The following TRIM33 variants were observed in gnomAD, a reference collection of about 807,000 sequenced individuals.
TRIM33 encodes tripartite motif containing 33, also known as E3 ubiquitin-protein ligase TRIM33.
A neutral mutation model predicts 125.4 loss-of-function variants in TRIM33; 20 were observed. The observed-to-expected ratio is 0.16, with a 90% CI of 0.11 to 0.23. TRIM33 has a LOEUF of 0.23. Among genes scored for constraint, TRIM33 ranks in the 10% least tolerant of loss-of-function variants. The pLI, the probability that TRIM33 is intolerant of heterozygous loss-of-function variation, is 1.00. For missense variants in TRIM33, 920 were observed against 1,411.4 expected (o/e 0.65, Z 5.58); for synonymous variants, 564 against 513.9 (o/e 1.10, Z -1.32).
At chr1:114,468,820 T>C (rs758290823) in intron 1 of TRIM33, 12 of 306,184 alleles carry the variant, frequency 3.9e-5, no homozygotes, top group Non-Finnish European at 7.6e-5. Flanking sequence ...GCTAGGGCAG[T>C]CTCAAATACA....
rs1651450082 is a variant in TRIM33, at chr1:114,394,683, TG to T, written c.*2964del. 1 of 201,728 alleles carries T rather than the reference TG, an allele frequency of 5.0e-6. No individual in the cohort carries two copies. Among genetic ancestry groups the T allele is most frequent in the African/African-American group, 2.3e-5 (1 of 43,580 alleles). 12.5% of individuals were successfully genotyped at this position (201,728 alleles called of 1,614,324 possible). On this transcript the variant is annotated 3_prime_UTR_variant, in exon 20 of 20. Transcript: ENST00000358465. ...TGGATCCAATGCCTTATCATTTCTCTGTAGTAATGGTTTGATGTTTCCATAT... is the reference window on the plus strand; with the variant it reads ...TGGATCCAATGCCTTATCATTTCTCTTAGTAATGGTTTGATGTTTCCATAT...
At chr1:114,437,532 C>T (rs1572054631) in intron 4 of TRIM33, among the ~76,000 whole-genome samples, 1 of 151,912 alleles carries the variant, frequency 6.6e-6, no homozygotes, top group South Asian at 2.1e-4. Flanking sequence ...AGAGATGGGG[C>T]GTCACCATGT....
chr1:114,487,302 A>T (rs1651758640), intron 1 of TRIM33, among the ~76,000 whole-genome samples: 1 of 150,982 alleles, frequency 6.6e-6, no homozygotes, highest in African/African-American at 2.4e-5. Flanking sequence ...ACATCTATTC[A>T]AATGACAGTG....
chr1:114,463,099 T>C lies in TRIM33; in HGVS notation c.923+5A>G. 1 of 1,586,178 alleles carries C rather than the reference T, an allele frequency of 6.3e-7. No homozygotes were observed. On this transcript the variant is annotated splice_donor_5th_base_variant and intron_variant, in intron 4 of 19. Coordinates refer to ENST00000358465, the MANE Select transcript of TRIM33 (RefSeq NM_015906.4). Reference sequence around the variant, plus strand: ...TTTCCTGGTAAGCAATTATGATTTCTGTACCTATGTTCTTTGTGTTCCAAT... The same window carrying C: ...TTTCCTGGTAAGCAATTATGATTTCCGTACCTATGTTCTTTGTGTTCCAAT...
chr1:114,417,447 G>A lies in TRIM33; in HGVS notation c.2061+3989C>T, dbSNP rs575984152. On this transcript the variant is annotated intron_variant, in intron 11 of 19. Coordinates refer to ENST00000358465, the MANE Select transcript of TRIM33 (RefSeq NM_015906.4). ...TGTTTATCTTATCCTCAATGCTTGA[G>A]GACTTTAGCATACAGTAAGTGCTTA... Among the ~76,000 whole-genome samples, 13 of 152,176 alleles carry A rather than the reference G, an allele frequency of 8.5e-5. No individual in the cohort carries two copies. The South Asian group carries it at 2.7e-3, about 32-fold the overall frequency.
intron 4 of TRIM33, among the ~76,000 whole-genome samples, chr1:114,438,001 G>A (rs1648411892): frequency 6.6e-6 from 1 of 152,194 alleles, no homozygotes; most frequent in African/African-American, 2.4e-5. Flanking sequence ...GGAGGCTGAA[G>A]AGGCTGATGT....
chr1:114,433,830 T>C (rs1258533549), intron 4 of TRIM33, 97 bp from the exon 5 acceptor site: 1 of 748,008 alleles, frequency 1.3e-6, no homozygotes, highest in Admixed American at 2.4e-5. Context: ...GAAACCTTAA[T>C]TAAGTGATCA....
At chr1:114,465,776 T>C (rs555894050) in intron 1 of TRIM33, among the ~76,000 whole-genome samples, 2 of 152,266 alleles carry the variant, frequency 1.3e-5, no homozygotes, top group South Asian at 4.1e-4. Flanking sequence ...GCGCGGTGGC[T>C]CACGCCTGTA....
chr1:114,432,383 C>T (rs553696195), intron 5 of TRIM33, among the ~76,000 whole-genome samples: 26 of 152,298 alleles, frequency 1.7e-4, no homozygotes, highest in African/African-American at 5.8e-4. Flanking sequence ...ACCAGTTTAA[C>T]CTAAAACAAC....
rs1053701825 is a variant in TRIM33, at chr1:114,396,072, T to C, written c.*1576A>G. ...GCAAATAAATGATTTGCCACAAATC[T>C]GCTGACTTCTGAAAAATATCTAACA... On this transcript the variant is annotated 3_prime_UTR_variant, in exon 20 of 20. Coordinates refer to ENST00000358465, the MANE Select transcript of TRIM33 (RefSeq NM_015906.4). 2 of 200,450 alleles carry C rather than the reference T, an allele frequency of 1.0e-5. No homozygotes were observed. Among genetic ancestry groups the C allele is most frequent in the African/African-American group, 4.6e-5 (2 of 43,488 alleles). The allele number at this position is 200,450 out of a possible 1,614,324, so 12.4% of individuals were successfully genotyped here.
At chr1:114,450,413 C>T (rs1205939287) in intron 4 of TRIM33, among the ~76,000 whole-genome samples, 4 of 152,144 alleles carry the variant, frequency 2.6e-5, no homozygotes, top group African/African-American at 7.2e-5. Context: ...CTTACTGCAA[C>T]GTCTACCTCC....
At chr1:114,413,572 AAG>A (rs1470741693) in intron 11 of TRIM33, among the ~76,000 whole-genome samples, 1,927 of 120,360 alleles carry the variant, frequency 0.016, 52 homozygotes, top group Non-Finnish European at 0.025. Flanking sequence ...AAAAAAAAAA[AAG>A]AAAAGAAAAG....
chr1:114,411,171 G>C (rs887106725), intron 11 of TRIM33, among the ~76,000 whole-genome samples: 7 of 151,920 alleles, frequency 4.6e-5, no homozygotes, highest in Non-Finnish European at 7.4e-5. Flanking sequence ...CTCCTGAATA[G>C]CTAGGACTAC....
Position 114,425,570 on chromosome 1 carries a change from G to A in TRIM33, c.1574C>T (p.Ala525Val). The change falls in exon 9 of 20, where the codon GCA (alanine) becomes GTA (valine). Residue 525 changes from alanine to valine, a missense_variant. Around this residue, in one of 8 missense-constraint regions of TRIM33, gnomAD observed 407 missense variants for 589.7 expected, o/e 0.69. Coordinates refer to ENST00000358465, the MANE Select transcript of TRIM33 (RefSeq NM_015906.4). ...RLQHMQQQVY[A>V]QKHQQLQQMR... Reference sequence around the variant, plus strand: ...CTGTTGCAACTGCTGATGTTTCTGTGCATATACTTGTTGTTGCATGTGCTG... The same window carrying A: ...CTGTTGCAACTGCTGATGTTTCTGTACATATACTTGTTGTTGCATGTGCTG... 1 of 1,614,092 alleles carries A rather than the reference G, an allele frequency of 6.2e-7. No homozygotes were observed. The highest frequency in any genetic ancestry group is 8.5e-7 in the Non-Finnish European group (1 of 1,180,020).
chr1:114,506,560 G>C (rs1382498328), intron 1 of TRIM33, among the ~76,000 whole-genome samples: 1 of 151,968 alleles, frequency 6.6e-6, no homozygotes, highest in Admixed American at 6.6e-5. Context: ...GAGAGACAGG[G>C]TCTTGCTATG....
chr1:114,423,294 C>T (rs1468164085), intron 10 of TRIM33, among the ~76,000 whole-genome samples: 2 of 152,028 alleles, frequency 1.3e-5, no homozygotes, highest in Non-Finnish European at 2.9e-5. Flanking sequence ...TTACAATAGG[C>T]TAATCTATAT....
intron 1 of TRIM33, among the ~76,000 whole-genome samples, chr1:114,496,949 T>C (rs1187929857): frequency 2.0e-5 from 3 of 152,264 alleles, no homozygotes; most frequent in African/African-American, 7.2e-5. Context: ...TCAGCACAGC[T>C]ATAGTGTAAG....
intron 17 of TRIM33, 81 bp from the exon 18 acceptor site, chr1:114,399,690 T>A: frequency 8.1e-7 from 1 of 1,238,014 alleles, no homozygotes. Context: ...GCATATTAAT[T>A]TTAGGGAAAA....
chr1:114,433,679 T>C lies in TRIM33; in HGVS notation c.978A>G (p.Leu326=), dbSNP rs1648108613. 6.2e-7 allele frequency: 1 copy of C among 1,612,812 alleles called. No homozygotes were observed. Among genetic ancestry groups the C allele is most frequent in the Non-Finnish European group, 8.5e-7 (1 of 1,179,386 alleles). Residue 326 remains leucine, a synonymous_variant, in exon 5 of 20, where the codon CTA becomes CTG. Transcript: ENST00000358465. ...TCTTCTTCTCAAGAAGTTTCGCCAGTAGATTCTCAATTGCACCCTTCTGAT... is the reference window on the plus strand; with the variant it reads ...TCTTCTTCTCAAGAAGTTTCGCCAGCAGATTCTCAATTGCACCCTTCTGAT... ...FQNQKGAIEN[L]LAKLLEKKNY...
Sources: gnomAD v4.1 joint callset for allele counts (sites outside exome capture counted in the v4.1 genomes callset) on GRCh38, gnomAD v4.1.1 for gene constraint, gnomAD v4.1.1 regional missense constraint, MANE v1.5 for transcripts, NCBI Gene and HGNC (gene_info 2026-07-23, HGNC 2026-07-21) for gene names.